The following FBXL7 variants were observed in gnomAD, a reference collection of about 807,000 sequenced individuals.
The protein encoded by FBXL7 is F-box/LRR-repeat protein 7.
FBXL7 carries 12 observed loss-of-function variants against 38.3 expected under a neutral mutation model. That is an observed-to-expected ratio of 0.31 (90% CI 0.20 to 0.51). The LOEUF is 0.51. Among genes scored for constraint, FBXL7 ranks in the 20% least tolerant of loss-of-function variants. FBXL7 has a pLI of 0.98. For missense variants in FBXL7, 567 were observed against 676.4 expected (o/e 0.84, Z 1.79); for synonymous variants, 297 against 300.9 (o/e 0.99, Z 0.13).
At chr5:15,846,905 T>A (rs1328971976) in intron 2 of FBXL7, among the ~76,000 whole-genome samples, 1 of 152,200 alleles carries the variant, frequency 6.6e-6, no homozygotes, top group Non-Finnish European at 1.5e-5. Context: ...CAATCTTTTT[T>A]TCAAAGATAT....
At chr5:15,767,938 G>T (rs1210576560) in intron 2 of FBXL7, among the ~76,000 whole-genome samples, 2 of 152,092 alleles carry the variant, frequency 1.3e-5, no homozygotes, top group African/African-American at 4.8e-5. Context: ...AATACTTTTT[G>T]TTATGTTTGC....
chr5:15,588,784 AGAT>A (rs1739375855), intron 1 of FBXL7, among the ~76,000 whole-genome samples: 1 of 152,228 alleles, frequency 6.6e-6, no homozygotes, highest in Non-Finnish European at 1.5e-5. Flanking sequence ...TGACTTCTCT[AGAT>A]GATCTGTTTC....
intron 1 of FBXL7, among the ~76,000 whole-genome samples, chr5:15,505,044 T>C (rs928836772): frequency 3.3e-5 from 5 of 152,198 alleles, no homozygotes; most frequent in Admixed American, 1.3e-4. Context: ...GGGCAGTGAA[T>C]TCCTTTCACC....
At chr5:15,666,169 CTTAA>C (rs1299457137) in intron 2 of FBXL7, among the ~76,000 whole-genome samples, 3 of 152,060 alleles carry the variant, frequency 2.0e-5, no homozygotes, top group African/African-American at 4.8e-5. Flanking sequence ...ATAAAATTCA[CTTAA>C]TTAATCTTGT....
At chr5:15,920,640 C>A (rs1040857601) in intron 2 of FBXL7, among the ~76,000 whole-genome samples, 4 of 152,104 alleles carry the variant, frequency 2.6e-5, no homozygotes, top group African/African-American at 9.7e-5. Flanking sequence ...CCTGCCTCAG[C>A]CACCCAAGTA....
intron 2 of FBXL7, among the ~76,000 whole-genome samples, chr5:15,797,699 A>C (rs1172374973): frequency 6.6e-6 from 1 of 151,360 alleles, no homozygotes; most frequent in African/African-American, 2.4e-5. Flanking sequence ...CCTTGATCTA[A>C]AATCAGTATT....
intron 2 of FBXL7, among the ~76,000 whole-genome samples, chr5:15,819,709 A>C (rs1738119312): frequency 6.6e-6 from 1 of 152,196 alleles, no homozygotes; most frequent in Admixed American, 6.5e-5. Context: ...ACCAGTTTGC[A>C]AATTAAAGAT....
chr5:15,835,546 A>G (rs1327962835), intron 2 of FBXL7, among the ~76,000 whole-genome samples: 1 of 152,144 alleles, frequency 6.6e-6, no homozygotes, highest in Non-Finnish European at 1.5e-5. Flanking sequence ...TACTTGACAC[A>G]TGCTTCTCAG....
At chr5:15,914,749 G>T (rs1014533814) in intron 2 of FBXL7, among the ~76,000 whole-genome samples, 1 of 152,152 alleles carries the variant, frequency 6.6e-6, no homozygotes, top group Non-Finnish European at 1.5e-5. Context: ...AAAGTGATTT[G>T]TGGTAGGACC....
chr5:15,768,700 G>A (rs536576584), intron 2 of FBXL7, among the ~76,000 whole-genome samples: 226 of 152,296 alleles, frequency 1.5e-3, no homozygotes, highest in African/African-American at 4.9e-3. Flanking sequence ...CACACAGAGC[G>A]TGGTCCACTC....
intron 1 of FBXL7, among the ~76,000 whole-genome samples, chr5:15,568,669 CTA>C (rs1351878107): frequency 2.6e-5 from 4 of 151,926 alleles, no homozygotes; most frequent in African/African-American, 9.7e-5. Context: ...TTGCCCATGC[CTA>C]TGTCCTGAAT....
intron 1 of FBXL7, among the ~76,000 whole-genome samples, chr5:15,573,568 A>T (rs1479376333): frequency 6.6e-6 from 1 of 152,202 alleles, no homozygotes; most frequent in Admixed American, 6.5e-5. Context: ...ACTCAGTTTT[A>T]CAAAGGAAGG....
chr5:15,570,665 C>T (rs1274417807), intron 1 of FBXL7, among the ~76,000 whole-genome samples: 4 of 152,186 alleles, frequency 2.6e-5, no homozygotes, highest in Non-Finnish European at 5.9e-5. Flanking sequence ...GTGTGTGTGC[C>T]AGCATTAACA....
intron 1 of FBXL7, among the ~76,000 whole-genome samples, chr5:15,516,520 A>G (rs905357851): frequency 1.3e-5 from 2 of 152,084 alleles, no homozygotes; most frequent in African/African-American, 2.4e-5. Flanking sequence ...TTAATTCAAT[A>G]TATTTGTAGG....
intron 2 of FBXL7, among the ~76,000 whole-genome samples, chr5:15,920,442 A>G (rs1031385067): frequency 6.6e-6 from 1 of 152,126 alleles, no homozygotes; most frequent in Non-Finnish European, 1.5e-5. Flanking sequence ...TTTAATGCCA[A>G]ATGTCTATTG....
At chr5:15,891,867 G>A (rs1740917222) in intron 2 of FBXL7, among the ~76,000 whole-genome samples, 1 of 152,226 alleles carries the variant, frequency 6.6e-6, no homozygotes. Flanking sequence ...GAGGGAGAGA[G>A]TGGCGGTGTT....
chr5:15,750,568 C>T (rs903082547), intron 2 of FBXL7, among the ~76,000 whole-genome samples: 2 of 152,168 alleles, frequency 1.3e-5, no homozygotes, highest in Non-Finnish European at 2.9e-5. Flanking sequence ...TCTAAAAGCT[C>T]CATTCTGAAT....
intron 2 of FBXL7, among the ~76,000 whole-genome samples, chr5:15,782,291 T>A (rs1025661066): frequency 7.9e-5 from 12 of 152,196 alleles, no homozygotes; most frequent in African/African-American, 2.9e-4. Flanking sequence ...TAAACATGTG[T>A]GTGCATGTGT....
chr5:15,524,142 C>T (rs1335461656), intron 1 of FBXL7, among the ~76,000 whole-genome samples: 1 of 151,990 alleles, frequency 6.6e-6, no homozygotes, highest in Non-Finnish European at 1.5e-5. Context: ...TTTTTTTCCC[C>T]ATCTGTCCAC....
Sources: allele counts gnomAD v4.1 joint callset (sites outside exome capture counted in the v4.1 genomes callset), GRCh38; gene constraint gnomAD v4.1.1; transcripts MANE v1.5; gene names NCBI Gene and HGNC (gene_info 2026-07-23, HGNC 2026-07-21).